The following GRID2 variants were observed in gnomAD, a reference collection of about 807,000 sequenced individuals.
GRID2 encodes the protein glutamate receptor ionotropic, delta-2.
A neutral mutation model predicts 114.8 loss-of-function variants in GRID2; 33 were observed. The observed-to-expected ratio is 0.29, with a 90% CI of 0.22 to 0.38. The LOEUF (loss-of-function observed/expected upper bound fraction) is 0.38, where lower values mean the gene tolerates loss of function less well. Among genes scored for constraint, GRID2 ranks in the 10% least tolerant of loss-of-function variants. The pLI is 1.00. For synonymous variants in GRID2, 505 were observed against 449.9 expected (o/e 1.12, Z -1.55); for missense variants, 1,184 against 1,257.7 (o/e 0.94, Z 0.89).
intron 1 of GRID2, among the ~76,000 whole-genome samples, chr4:92,472,481 G>A (rs536420074): frequency 6.6e-6 from 1 of 152,126 alleles, no homozygotes; most frequent in African/African-American, 2.4e-5. Flanking sequence ...GTTGGTATAA[G>A]TTTAACTTTT....
chr4:92,875,447 A>C (rs1745563045), intron 2 of GRID2, among the ~76,000 whole-genome samples: 1 of 152,190 alleles, frequency 6.6e-6, no homozygotes, highest in Non-Finnish European at 1.5e-5. Context: ...TACAGGCGTG[A>C]GCCACGTCGC....
chr4:92,482,393 G>A (rs2149105996), intron 1 of GRID2, among the ~76,000 whole-genome samples: 1 of 151,862 alleles, frequency 6.6e-6, no homozygotes, highest in South Asian at 2.1e-4. Context: ...CACTACCGGG[G>A]TGCAATATAC....
chr4:93,348,957 C>G (rs1004096171), intron 8 of GRID2, among the ~76,000 whole-genome samples: 3 of 152,140 alleles, frequency 2.0e-5, no homozygotes, highest in African/African-American at 7.2e-5. Context: ...GCCTTCTTGG[C>G]TGGCTATTTA....
intron 9 of GRID2, among the ~76,000 whole-genome samples, chr4:93,418,397 T>C (rs1425296565): frequency 6.6e-6 from 1 of 152,036 alleles, no homozygotes; most frequent in East Asian, 1.9e-4. Flanking sequence ...ACTTTGGTAA[T>C]TGTCTTTTCT....
At chr4:92,435,525 G>A (rs1225906431) in intron 1 of GRID2, among the ~76,000 whole-genome samples, 1 of 152,166 alleles carries the variant, frequency 6.6e-6, no homozygotes, top group African/African-American at 2.4e-5. Context: ...TCTGGAATGA[G>A]ACCCTGTCTG....
chr4:93,453,541 A>G (rs2149408711), intron 10 of GRID2, among the ~76,000 whole-genome samples: 1 of 152,230 alleles, frequency 6.6e-6, no homozygotes, highest in South Asian at 2.1e-4. Context: ...GCACATACAA[A>G]TAATCAGCTC....
intron 9 of GRID2, among the ~76,000 whole-genome samples, chr4:93,404,834 T>C (rs1271675996): frequency 2.6e-5 from 4 of 152,122 alleles, no homozygotes; most frequent in Non-Finnish European, 5.9e-5. Context: ...CGGAAGTATG[T>C]AGATATGATA....
At chr4:92,304,782 C>G in intron 1 of GRID2, 38 bp downstream of exon 1, 1 of 1,380,254 alleles carries the variant, frequency 7.2e-7, no homozygotes, top group Non-Finnish European at 1.0e-6. Flanking sequence ...TTACTTTTAC[C>G]GTTTCAGTTC....
chr4:92,570,423 T>A (rs572220359), intron 1 of GRID2, among the ~76,000 whole-genome samples: 1 of 152,242 alleles, frequency 6.6e-6, no homozygotes, highest in East Asian at 1.9e-4. Flanking sequence ...TGCTTAGGAT[T>A]GTCTTGGTTA....
At chr4:92,324,347 CTT>C (rs1230515201) in intron 1 of GRID2, among the ~76,000 whole-genome samples, 1 of 151,934 alleles carries the variant, frequency 6.6e-6, no homozygotes, top group Non-Finnish European at 1.5e-5. Context: ...GATTGGAACT[CTT>C]TTCTTCCCAG....
chr4:93,608,780 A>G (rs1740617368), intron 13 of GRID2, among the ~76,000 whole-genome samples: 1 of 136,900 alleles, frequency 7.3e-6, no homozygotes, highest in African/African-American at 2.8e-5. Context: ...ATACGGGTGC[A>G]TGTGTCTTTA....
At chr4:93,695,232 CTT>C (rs1726918235) in intron 14 of GRID2, among the ~76,000 whole-genome samples, 1 of 151,134 alleles carries the variant, frequency 6.6e-6, no homozygotes, top group African/African-American at 2.4e-5. Flanking sequence ...GCTGGAAAGA[CTT>C]TGTCGTATTT....
chr4:93,205,132 T>G (rs991430560), intron 4 of GRID2, among the ~76,000 whole-genome samples: 4 of 152,124 alleles, frequency 2.6e-5, no homozygotes, highest in African/African-American at 9.7e-5. Flanking sequence ...GTTAATAAAT[T>G]TTTCATTATT....
intron 1 of GRID2, among the ~76,000 whole-genome samples, chr4:92,315,093 C>A (rs181467699): frequency 1.3e-5 from 2 of 152,148 alleles, no homozygotes; most frequent in South Asian, 2.1e-4. Flanking sequence ...AATCTTAGTT[C>A]TTTCATTAGT....
At chr4:93,473,719 G>A (rs1261999068) in intron 11 of GRID2, among the ~76,000 whole-genome samples, 2 of 152,088 alleles carry the variant, frequency 1.3e-5, no homozygotes, top group Non-Finnish European at 2.9e-5. Context: ...AATGCAAGAA[G>A]GCTATAACTA....
intron 11 of GRID2, among the ~76,000 whole-genome samples, chr4:93,488,877 C>T (rs1457971528): frequency 2.6e-5 from 4 of 151,904 alleles, no homozygotes; most frequent in African/African-American, 4.8e-5. Flanking sequence ...CCAGTCATAT[C>T]GGATTAGAAT....
At chr4:93,545,872 G>A (rs1472429917) in intron 13 of GRID2, among the ~76,000 whole-genome samples, 1 of 152,204 alleles carries the variant, frequency 6.6e-6, no homozygotes, top group Non-Finnish European at 1.5e-5. Flanking sequence ...TAGTGAGTCA[G>A]TAGTGACAAA....
intron 2 of GRID2, among the ~76,000 whole-genome samples, chr4:93,072,654 GAA>G (rs76834573): frequency 7.2e-6 from 1 of 138,450 alleles, no homozygotes; most frequent in Admixed American, 7.3e-5. Context: ...GCAACTATTT[GAA>G]AAAAAAAAAG....
intron 2 of GRID2, among the ~76,000 whole-genome samples, chr4:92,710,723 T>G (rs1306303074): frequency 6.6e-6 from 1 of 152,160 alleles, no homozygotes; most frequent in African/African-American, 2.4e-5. Context: ...ACCTCTAGGT[T>G]TTCAATATGA....
Sources: gnomAD v4.1 joint callset for allele counts (sites outside exome capture counted in the v4.1 genomes callset) on GRCh38, gnomAD v4.1.1 for gene constraint, MANE v1.5 for transcripts, NCBI Gene and HGNC (gene_info 2026-07-23, HGNC 2026-07-21) for gene names.